The following IMPG2 variants were observed in gnomAD, a reference collection of about 807,000 sequenced individuals.
IMPG2 encodes interphotoreceptor matrix proteoglycan 2.
Under a neutral mutation model 129.2 loss-of-function variants are expected in IMPG2, and 91 were observed. The observed-to-expected ratio is 0.70, with a 90% CI of 0.59 to 0.84. The LOEUF (loss-of-function observed/expected upper bound fraction) is 0.84, where lower values mean the gene tolerates loss of function less well. Ranked by LOEUF, IMPG2 falls within the 40% of genes least tolerant of loss-of-function variation. The pLI, the probability that IMPG2 is intolerant of heterozygous loss-of-function variation, is 0.00. For synonymous variants in IMPG2, 510 were observed against 517.7 expected, an observed-to-expected ratio of 0.99 and a Z score of 0.20; for missense variants, 1,430 against 1,461.7, an observed-to-expected ratio of 0.98 and a Z score of 0.35.
Position 101,285,518 on chromosome 3 carries a change from A to C in IMPG2, c.533+5961T>G, listed in dbSNP as rs192007345. Among the ~76,000 whole-genome samples the C allele has an allele frequency of 1.0e-3, 158 of 152,306 alleles. 1 individual carries two copies. Among genetic ancestry groups the C allele is most frequent in the African/African-American group, 3.5e-3 (144 of 41,578 alleles). On this transcript the variant is annotated intron_variant, in intron 4 of 18. Transcript: ENST00000193391. Reference sequence around the variant, plus strand: ...AGTTGTTGATAAGAGAAACACTAAAATTTCAATATCTCTCCTGTCTACAGC... The same window carrying C: ...AGTTGTTGATAAGAGAAACACTAAACTTTCAATATCTCTCCTGTCTACAGC...
chr3:101,316,006 G>T (rs1441322161), intron 2 of IMPG2, among the ~76,000 whole-genome samples: 1 of 151,976 alleles, frequency 6.6e-6, no homozygotes, highest in African/African-American at 2.4e-5. Flanking sequence ...TTCAACAAAG[G>T]TGCAAAGCCA....
At chr3:101,284,719 C>T (rs1203096880) in intron 4 of IMPG2, among the ~76,000 whole-genome samples, 6 of 152,174 alleles carry the variant, frequency 3.9e-5, no homozygotes, top group African/African-American at 1.4e-4. Context: ...TAGCTGTGCA[C>T]ACAGGATTTC....
At chr3:101,312,672 C>G (rs1707280570) in intron 2 of IMPG2, among the ~76,000 whole-genome samples, 1 of 151,888 alleles carries the variant, frequency 6.6e-6, no homozygotes, top group Admixed American at 6.6e-5. Context: ...AGATAAATAC[C>G]TAAGAGAAAT....
At chr3:101,234,842 C>G (rs370697275) in intron 14 of IMPG2, among the ~76,000 whole-genome samples, 1 of 152,216 alleles carries the variant, frequency 6.6e-6, no homozygotes. Flanking sequence ...TCTAGCCAAT[C>G]TTGAAATAAA....
At chr3:101,248,745 T>G (rs1303731935) in intron 11 of IMPG2, among the ~76,000 whole-genome samples, 2 of 152,234 alleles carry the variant, frequency 1.3e-5, no homozygotes, top group African/African-American at 4.8e-5. Context: ...AATCTTATTT[T>G]CTTTTGTGGA....
chr3:101,270,410 G>A (rs1035075618), intron 7 of IMPG2, among the ~76,000 whole-genome samples: 3 of 152,100 alleles, frequency 2.0e-5, no homozygotes, highest in Non-Finnish European at 2.9e-5. Context: ...AGGTAACTCC[G>A]CTGGTCAAAA....
At position 101,243,844 on chromosome 3, in the gene IMPG2, A is replaced by G. The variant is rs2107219493; in HGVS notation, c.2487T>C (p.Asp829=). The G allele has an allele frequency of 6.2e-7, 1 of 1,614,164 alleles. No homozygotes were observed. The highest frequency in any genetic ancestry group is 8.5e-7 in the Non-Finnish European group (1 of 1,180,006). The part of the protein sequence containing the change: ...PPTTISTLLE[D]EVIMGVQDIS... ...TATCCTGTACACCCATAATTACTTC[A>G]TCCTCTAGCAGGGTGGAGATTGTGG... The change falls in exon 13 of 19, where the codon GAT becomes GAC. Residue 829 remains aspartate (D), a synonymous_variant. Coordinates refer to ENST00000193391, the MANE Select transcript of IMPG2 (RefSeq NM_016247.4).
chr3:101,260,259 A>C (rs143129963), intron 9 of IMPG2, among the ~76,000 whole-genome samples: 1 of 152,282 alleles, frequency 6.6e-6, no homozygotes, highest in Non-Finnish European at 1.5e-5. Flanking sequence ...GCAGTGGTTC[A>C]GAGCTCTTAA....
intron 3 of IMPG2, among the ~76,000 whole-genome samples, chr3:101,300,366 C>G (rs917993494): frequency 3.3e-5 from 5 of 152,238 alleles, no homozygotes; most frequent in Non-Finnish European, 7.3e-5. Flanking sequence ...GTAGCCCCTC[C>G]TGCAAAGGAG....
chr3:101,229,306 A>AGCCCCCC, intron 17 of IMPG2, 74 bp downstream of exon 17: 1 of 362,594 alleles, frequency 2.8e-6, no homozygotes. Flanking sequence ...ACACACCCCC[A>AGCCCCCC]CCCACCACCC....
chr3:101,231,284 A>C, intron 15 of IMPG2, 139 bp from the exon 16 acceptor site: 1 of 814,568 alleles, frequency 1.2e-6, no homozygotes, highest in Non-Finnish European at 2.1e-6. Flanking sequence ...AGTTGAATAG[A>C]CAGATTAAAA....
At chr3:101,281,431 A>C (rs1396935152) in intron 4 of IMPG2, among the ~76,000 whole-genome samples, 1 of 152,252 alleles carries the variant, frequency 6.6e-6, no homozygotes, top group African/African-American at 2.4e-5. Context: ...ACAGAATTTA[A>C]GGTCCTGAAT....
chr3:101,237,973 G>A (rs761747802), intron 14 of IMPG2, among the ~76,000 whole-genome samples: 2 of 151,900 alleles, frequency 1.3e-5, no homozygotes, highest in Non-Finnish European at 2.9e-5. Context: ...TAAGAACCTT[G>A]AAAAAAGGTT....
At chr3:101,294,743 C>T (rs1259329742) in intron 3 of IMPG2, among the ~76,000 whole-genome samples, 2 of 152,172 alleles carry the variant, frequency 1.3e-5, no homozygotes, top group Non-Finnish European at 1.5e-5. Context: ...TCAACAGCCT[C>T]GCCAGAATCA....
Position 101,320,339 on chromosome 3 carries a change from G to C in IMPG2, c.34C>G (p.Leu12Val), listed in dbSNP as rs886057689. 4 of 1,608,124 alleles carry C rather than the reference G, an allele frequency of 2.5e-6. No homozygotes were observed. The highest frequency in any genetic ancestry group is 2.6e-6 in the Non-Finnish European group (3 of 1,175,380). Reference sequence around the variant, plus strand: ...ATCAGGACAAATATCAAAATACCCAGAGAAATCTTCCCAAAAAGAGGAAAC... The same window carrying C: ...ATCAGGACAAATATCAAAATACCCACAGAAATCTTCCCAAAAAGAGGAAAC... The part of the protein sequence containing the change: ...IMFPLFGKIS[L>V]GILIFVLIEG... The change falls in exon 1 of 19, where the codon CTG becomes GTG. Residue 12 changes from leucine to valine, a missense_variant. Physicochemically the swap from Leu to Val is conservative, Grantham distance 32 (BLOSUM62 1). Coordinates refer to ENST00000193391, the MANE Select transcript of IMPG2 (RefSeq NM_016247.4).
At chr3:101,261,297 G>A (rs945790708) in intron 9 of IMPG2, among the ~76,000 whole-genome samples, 1 of 152,116 alleles carries the variant, frequency 6.6e-6, no homozygotes, top group Non-Finnish European at 1.5e-5. Flanking sequence ...AGGAGGAGGA[G>A]GAAAGGCTAT....
rs762465634 is a variant in IMPG2, at chr3:101,246,115, A to T, written c.1240-10T>A. The stretch of plus-strand genomic sequence containing the variant: ...CTTGAAAGGTATTATCCTGGGGGGA[A>T]AAAAAGGCTAAATCATATCATAGAT... On this transcript the variant is annotated splice_polypyrimidine_tract_variant and intron_variant, in intron 11 of 18. Transcript: ENST00000193391. The T allele has an allele frequency of 6.2e-6, 10 of 1,612,974 alleles. No individual in the cohort carries two copies. Among genetic ancestry groups the T allele is most frequent in the Non-Finnish European group, 7.6e-6 (9 of 1,179,672 alleles).
rs1559643320 is a variant in IMPG2, at chr3:101,244,749, TAGAA to T, written c.1578_1581del (p.Ser527LeufsTer28). ...AATGAACTTGAAGGCAATGAATCAA[TAGAA>T]AGAAAATCTTCTGACTCTTCAACAT... On this transcript the variant is annotated frameshift_variant, in exon 13 of 19. Transcript: ENST00000193391. LOFTEE classifies it high-confidence loss of function. The T allele has an allele frequency of 6.2e-7, 1 of 1,614,060 alleles. No homozygotes were observed. The highest frequency in any genetic ancestry group is 8.5e-7 in the Non-Finnish European group (1 of 1,179,938).
At chr3:101,234,794 G>A (rs1706328528) in intron 14 of IMPG2, among the ~76,000 whole-genome samples, 1 of 152,198 alleles carries the variant, frequency 6.6e-6, no homozygotes, top group African/African-American at 2.4e-5. Context: ...GACACTGCAT[G>A]TTAAAGTAAG....
Sources: allele counts gnomAD v4.1 joint callset (sites outside exome capture counted in the v4.1 genomes callset), GRCh38; gene constraint gnomAD v4.1.1; transcripts MANE v1.5; gene names NCBI Gene and HGNC (gene_info 2026-07-23, HGNC 2026-07-21).